Variants in EDRF1 observed in about 807,000 individuals in gnomAD.
The protein encoded by EDRF1 is erythroid differentiation regulatory factor 1.
Under a neutral mutation model 148.7 loss-of-function variants are expected in EDRF1, and 69 were observed. The observed-to-expected ratio is 0.46, with a 90% CI of 0.38 to 0.57. EDRF1 has a LOEUF of 0.57. Ranked by LOEUF, EDRF1 falls within the 20% of genes least tolerant of loss-of-function variation. The pLI is 0.00. For synonymous variants in EDRF1, 515 were observed against 532.8 expected, an observed-to-expected ratio of 0.97 and a Z score of 0.46; for missense variants, 1,118 against 1,478.7, an observed-to-expected ratio of 0.76 and a Z score of 4.00.
chr10:125,742,147 G>C (rs1488917394), intron 17 of EDRF1: 1 of 1,056,528 alleles, frequency 9.5e-7, no homozygotes, highest in Non-Finnish European at 1.3e-6. Context: ...CTGAAATAAA[G>C]TGATCATTGT....
chr10:125,762,670 C>T (rs1850245013), intron 24 of EDRF1, among the ~76,000 whole-genome samples: 1 of 152,140 alleles, frequency 6.6e-6, no homozygotes, highest in Admixed American at 6.5e-5. Flanking sequence ...GGGCAGTCTT[C>T]ACACAGAATT....
chr10:125,759,638 G>GA lies in EDRF1; in HGVS notation c.3546-3655dup, dbSNP rs542106170. ...GCAAAACCCAACTCTTTAAAAAAAA[G>GA]AAAAAAAATGGCTTTTGAATAATTC... is the stretch of plus-strand genomic sequence containing the variant. On this transcript the variant is annotated intron_variant, in intron 24 of 24. Coordinates refer to ENST00000356792, the MANE Select transcript of EDRF1 (RefSeq NM_001202438.2). Among the ~76,000 whole-genome samples, 326 of 150,960 alleles carry GA rather than the reference G, an allele frequency of 2.2e-3. 3 individuals carry two copies. Among genetic ancestry groups the GA allele is most frequent in the African/African-American group, 7.5e-3 (311 of 41,246 alleles).
At position 125,723,072 on chromosome 10, in the gene EDRF1, G is replaced by A; in HGVS notation, c.322G>A (p.Gly108Ser). 1 of 1,613,454 alleles carries A rather than the reference G, an allele frequency of 6.2e-7. No individual in the cohort carries two copies. Among genetic ancestry groups the A allele is most frequent in the Non-Finnish European group, 8.5e-7 (1 of 1,179,556 alleles). Residue 108 changes from glycine to serine, a missense_variant, in exon 3 of 25, where the codon GGC becomes AGC. Gly to Ser is a moderately conservative substitution (Grantham distance 56). Transcript: ENST00000356792. ...SKKSKPFSSFGMAYDFIDSVG... is the reference protein window; with the variant it reads ...SKKSKPFSSFSMAYDFIDSVG... ...GTCCTTTTTTCTCTTTGGTAGCTTT[G>A]GCATGGCATATGACTTTATTGATTC...
chr10:125,726,606 A>G (rs1257853227), intron 6 of EDRF1, among the ~76,000 whole-genome samples: 3 of 152,236 alleles, frequency 2.0e-5, no homozygotes. Context: ...GTGTTCCCAC[A>G]TATTGAGCAC....
At chr10:125,762,242 G>C (rs760865668) in intron 24 of EDRF1, among the ~76,000 whole-genome samples, 4 of 152,218 alleles carry the variant, frequency 2.6e-5, no homozygotes, top group African/African-American at 7.2e-5. Flanking sequence ...GAGAAAATTT[G>C]TACCCTGAAG....
At chr10:125,734,007 C>A in intron 11 of EDRF1, 65 bp from the exon 12 acceptor site, 1 of 1,308,556 alleles carries the variant, frequency 7.6e-7, no homozygotes, top group Non-Finnish European at 1.1e-6. Context: ...AAGAGCACTC[C>A]TAGACTTGAG....
intron 18 of EDRF1, chr10:125,745,433 C>T (rs1849298532): frequency 2.1e-6 from 1 of 474,368 alleles, no homozygotes; most frequent in Non-Finnish European, 3.9e-6. Flanking sequence ...CTTACAATCT[C>T]ATTTAATCTT....
chr10:125,738,410 G>A lies in EDRF1; in HGVS notation c.1946G>A (p.Gly649Glu), dbSNP rs1464408429. The A allele has an allele frequency of 6.2e-7, 1 of 1,613,984 alleles. No individual in the cohort carries two copies. The highest frequency in any genetic ancestry group is 8.5e-7 in the Non-Finnish European group (1 of 1,179,986). ...EDESSRGGPE[G>E]LEKQMALFLD... ...GAATCCTCAAGAGGGGGTCCCGAGG[G>A]GCTAGAGAAGCAGATGGCCTTGTTT... The change falls in exon 15 of 25, where the codon GGG (glycine) becomes GAG (glutamate). Residue 649 changes from glycine to glutamate, a missense_variant. Coordinates refer to ENST00000356792, the MANE Select transcript of EDRF1 (RefSeq NM_001202438.2).
intron 19 of EDRF1, 156 bp from the exon 20 acceptor site, chr10:125,747,380 G>GAAATGA: frequency 1.2e-6 from 1 of 845,648 alleles, no homozygotes; most frequent in Non-Finnish European, 1.9e-6. Flanking sequence ...TATTTTCATT[G>GAAATGA]ACTTACTTTT....
intron 21 of EDRF1, chr10:125,748,447 C>G: frequency 4.5e-6 from 1 of 221,442 alleles, no homozygotes; most frequent in Non-Finnish European, 9.1e-6. Context: ...GTACATGAAT[C>G]CTGGTGCCCA....
chr10:125,733,870 CG>C (rs1848599352), intron 11 of EDRF1, 127 bp downstream of exon 11: 2 of 945,014 alleles, frequency 2.1e-6, no homozygotes, highest in Non-Finnish European at 3.3e-6. Flanking sequence ...GAAAAATACA[CG>C]TACACATTGT....
chr10:125,734,430 T>C (rs1415067842), intron 12 of EDRF1, among the ~76,000 whole-genome samples: 1 of 152,164 alleles, frequency 6.6e-6, no homozygotes, highest in East Asian at 1.9e-4. Flanking sequence ...AAATGCAATA[T>C]TACATATATT....
chr10:125,746,287 AC>A (rs1323543206), intron 19 of EDRF1, among the ~76,000 whole-genome samples: 1 of 152,254 alleles, frequency 6.6e-6, no homozygotes, highest in Non-Finnish European at 1.5e-5. Context: ...CCAGCATGGC[AC>A]AGTAAGCAGA....
At chr10:125,734,296 G>A (rs1285051325) in intron 12 of EDRF1, 113 bp downstream of exon 12, 5 of 812,786 alleles carry the variant, frequency 6.2e-6, no homozygotes, top group Non-Finnish European at 1.1e-5. Flanking sequence ...TATTCAGTGT[G>A]GTAGCCATTA....
chr10:125,737,935 A>G lies in EDRF1; in HGVS notation c.1776A>G (p.Pro592=), dbSNP rs1848821481. ...IHQIRPSCAF[P]VCHDTEERCR... ...TCCTCAAGCCCAGTTGTGCATTTCC[A>G]GTTTGCCATGACACAGAAGAGCGCT... The change falls in exon 14 of 25, where the codon CCA becomes CCG. Residue 592 remains proline, a synonymous_variant. Coordinates refer to ENST00000356792, the MANE Select transcript of EDRF1 (RefSeq NM_001202438.2). 6.2e-7 allele frequency: 1 copy of G among 1,613,848 alleles called. No homozygotes were observed. The highest frequency in any genetic ancestry group is 1.1e-5 in the South Asian group (1 of 91,088).
chr10:125,740,784 T>C, intron 16 of EDRF1, 133 bp downstream of exon 16: 1 of 1,153,926 alleles, frequency 8.7e-7, no homozygotes, highest in Non-Finnish European at 1.3e-6. Context: ...TCCAATCCTG[T>C]GTGTGTTACC....
intron 17 of EDRF1, chr10:125,741,427 C>T (rs1267974832): frequency 1.9e-6 from 1 of 523,896 alleles, no homozygotes; most frequent in South Asian, 1.7e-5. Context: ...AAGCAATTCT[C>T]CTGCCTCAGC....
chr10:125,738,105 T>C (rs977273926), intron 14 of EDRF1, 116 bp downstream of exon 14: 3 of 1,363,326 alleles, frequency 2.2e-6, no homozygotes, highest in Non-Finnish European at 3.1e-6. Context: ...GCGATTTTTT[T>C]TTCCTTAAGC....
chr10:125,726,044 T>TG, intron 6 of EDRF1, among the ~76,000 whole-genome samples: 1 of 152,136 alleles, frequency 6.6e-6, no homozygotes. Flanking sequence ...CTATTATAGG[T>TG]GGGGAGATCA....
Sources: gnomAD v4.1 joint callset for allele counts (sites outside exome capture counted in the v4.1 genomes callset) on GRCh38, gnomAD v4.1.1 for gene constraint, MANE v1.5 for transcripts, NCBI Gene and HGNC (gene_info 2026-07-23, HGNC 2026-07-21) for gene names.